Variants in TSHZ2 observed in about 807,000 individuals in gnomAD.
The protein encoded by TSHZ2 is teashirt homolog 2.
TSHZ2 carries 21 observed loss-of-function variants against 74.4 expected under a neutral mutation model. That is an observed-to-expected ratio of 0.28 (90% confidence interval 0.20 to 0.41). The LOEUF is 0.41. Among genes scored for constraint, TSHZ2 ranks in the 10% least tolerant of loss-of-function variants. The pLI is 1.00. For missense variants in TSHZ2, 1,244 were observed against 1,293.5 expected (o/e 0.96, Z 0.59); for synonymous variants, 540 against 515.3 (o/e 1.05, Z -0.65).
intron 1 of TSHZ2, among the ~76,000 whole-genome samples, chr20:53,152,979 G>A (rs780811006): frequency 6.6e-6 from 1 of 152,220 alleles, no homozygotes; most frequent in African/African-American, 2.4e-5. Context: ...ACAGAGGAAT[G>A]AGTAGAGGGT....
chr20:53,187,618 T>C (rs367926253), intron 1 of TSHZ2, among the ~76,000 whole-genome samples: 306 of 152,068 alleles, frequency 2.0e-3, no homozygotes, highest in African/African-American at 6.9e-3. Flanking sequence ...CCCGACAGGA[T>C]GTTAGCAGAG....
At chr20:53,088,578 A>AT (rs1985770634) in intron 1 of TSHZ2, among the ~76,000 whole-genome samples, 1 of 152,158 alleles carries the variant, frequency 6.6e-6, no homozygotes, top group Admixed American at 6.5e-5. Flanking sequence ...AAATTGAAAA[A>AT]TTTACCCCGT....
intron 1 of TSHZ2, among the ~76,000 whole-genome samples, chr20:52,990,164 T>C (rs954543066): frequency 2.6e-5 from 4 of 152,094 alleles, no homozygotes; most frequent in South Asian, 2.1e-4. Context: ...AGAACAGTTA[T>C]GAAAAATTTA....
At chr20:53,283,641 A>G (rs1387570910) in intron 2 of TSHZ2, among the ~76,000 whole-genome samples, 1 of 152,232 alleles carries the variant, frequency 6.6e-6, no homozygotes, top group African/African-American at 2.4e-5. Flanking sequence ...TTATGTGCCA[A>G]ACACTGGGTT....
At chr20:53,045,886 TACAC>T (rs992688239) in intron 1 of TSHZ2, among the ~76,000 whole-genome samples, 15 of 152,306 alleles carry the variant, frequency 9.8e-5, no homozygotes, top group African/African-American at 3.4e-4. Flanking sequence ...ACCTTTAACT[TACAC>T]ACACAAAAAT....
intron 1 of TSHZ2, among the ~76,000 whole-genome samples, chr20:53,039,125 A>G (rs1015013151): frequency 1.5e-4 from 20 of 131,668 alleles, no homozygotes; most frequent in Non-Finnish European, 2.6e-4. Context: ...ACCTCAGGTG[A>G]TCCACCCACT....
rs1360398416 is a variant in TSHZ2, at chr20:53,434,010, A to G, written c.*9-53134A>G. 3.3e-5 allele frequency among the ~76,000 whole-genome samples: 5 copies of G among 152,176 alleles called. No homozygotes were observed. The East Asian group carries it at 9.6e-4, about 29-fold the overall frequency. On this transcript the variant is annotated intron_variant, in intron 2 of 2. Coordinates refer to ENST00000371497, the MANE Select transcript of TSHZ2 (RefSeq NM_173485.6). ...CAGCCTCCCAAGTAGCTGGGACTAC[A>G]GGCACATGCCACCATGCTCAGCTAA...
At chr20:53,029,994 G>A (rs1220882064) in intron 1 of TSHZ2, among the ~76,000 whole-genome samples, 1 of 152,096 alleles carries the variant, frequency 6.6e-6, no homozygotes, top group Non-Finnish European at 1.5e-5. Context: ...TAGGAACTTA[G>A]ATCAACTCTT....
intron 2 of TSHZ2, among the ~76,000 whole-genome samples, chr20:53,361,158 C>T (rs1317492232): frequency 1.3e-5 from 2 of 152,218 alleles, no homozygotes; most frequent in Non-Finnish European, 2.9e-5. Context: ...GAACACCCCC[C>T]AAAGCTTGTC....
At chr20:52,998,604 G>T (rs994002528) in intron 1 of TSHZ2, among the ~76,000 whole-genome samples, 1 of 152,180 alleles carries the variant, frequency 6.6e-6, no homozygotes, top group Admixed American at 6.5e-5. Flanking sequence ...AGGCCTGAAA[G>T]CACCATATAC....
At position 53,054,547 on chromosome 20, in the gene TSHZ2, A is replaced by G. The variant is rs1320979320; in HGVS notation, c.40+81214A>G. Reference sequence around the variant, plus strand: ...CCAAAGAGAACTTAGAAATCCTTCCATTGAAACATCTGAAACCTCACATGC... The same window carrying G: ...CCAAAGAGAACTTAGAAATCCTTCCGTTGAAACATCTGAAACCTCACATGC... On this transcript the variant is annotated intron_variant, in intron 1 of 2. Coordinates refer to ENST00000371497, the MANE Select transcript of TSHZ2 (RefSeq NM_173485.6). Among the ~76,000 whole-genome samples the G allele has an allele frequency of 2.6e-5, 4 of 152,240 alleles. No homozygotes were observed. The East Asian group carries it at 7.7e-4, about 29-fold the overall frequency.
At chr20:53,215,191 G>A (rs913880014) in intron 1 of TSHZ2, among the ~76,000 whole-genome samples, 1 of 152,104 alleles carries the variant, frequency 6.6e-6, no homozygotes, top group Non-Finnish European at 1.5e-5. Context: ...TAACAGCACT[G>A]AGCCCACTTT....
intron 1 of TSHZ2, among the ~76,000 whole-genome samples, chr20:53,050,124 T>TATATATATATACAC (rs1409158633): frequency 1.9e-5 from 2 of 107,208 alleles, no homozygotes; most frequent in African/African-American, 1.3e-4. Context: ...TATATATATA[T>TATATATATATACAC]ACACATATAT....
intron 1 of TSHZ2, among the ~76,000 whole-genome samples, chr20:53,181,697 G>A (rs1430864350): frequency 6.6e-6 from 1 of 152,152 alleles, no homozygotes; most frequent in Non-Finnish European, 1.5e-5. Context: ...GACCATCCTG[G>A]CTAACACAGT....
intron 2 of TSHZ2, among the ~76,000 whole-genome samples, chr20:53,476,638 T>C (rs1986001681): frequency 7.1e-6 from 1 of 140,510 alleles, no homozygotes; most frequent in Non-Finnish European, 1.5e-5. Flanking sequence ...CTATTCAACA[T>C]AGTGTTGGAA....
intron 2 of TSHZ2, among the ~76,000 whole-genome samples, chr20:53,357,408 T>A (rs1980885622): frequency 6.6e-6 from 1 of 152,158 alleles, no homozygotes; most frequent in African/African-American, 2.4e-5. Flanking sequence ...CTCACGCCTG[T>A]AATTCTAACA....
intron 1 of TSHZ2, among the ~76,000 whole-genome samples, chr20:53,101,940 C>A (rs1568759699): frequency 6.7e-6 from 1 of 149,468 alleles, no homozygotes; most frequent in Admixed American, 6.6e-5. Flanking sequence ...TTTTGGGGAG[C>A]GTCTTTTGAA....
At chr20:53,088,037 G>A (rs928612789) in intron 1 of TSHZ2, among the ~76,000 whole-genome samples, 4 of 152,184 alleles carry the variant, frequency 2.6e-5, no homozygotes, top group Non-Finnish European at 4.4e-5. Context: ...ATTACCCCAT[G>A]TCTGTCTTCA....
intron 2 of TSHZ2, among the ~76,000 whole-genome samples, chr20:53,430,380 C>T (rs1487560045): frequency 2.6e-5 from 4 of 151,818 alleles, no homozygotes; most frequent in African/African-American, 9.7e-5. Flanking sequence ...GCTGGGATTA[C>T]AGGCATGAGC....
Sources: gnomAD v4.1 joint callset for allele counts (sites outside exome capture counted in the v4.1 genomes callset) on GRCh38, gnomAD v4.1.1 for gene constraint, MANE v1.5 for transcripts, NCBI Gene and HGNC (gene_info 2026-07-23, HGNC 2026-07-21) for gene names.